CDK14: variants seen among roughly 807,000 people sequenced by gnomAD.
CDK14 encodes cyclin dependent kinase 14.
A neutral mutation model predicts 60.7 loss-of-function variants in CDK14; 34 were observed. The ratio of observed to expected loss-of-function variants is 0.56; its 90% CI spans 0.43 to 0.75. The LOEUF (loss-of-function observed/expected upper bound fraction) is 0.75. Ranked by LOEUF, CDK14 falls within the 30% of genes least tolerant of loss-of-function variation. CDK14 has a pLI of 0.00. For missense variants in CDK14, 482 were observed against 564.1 expected, an observed-to-expected ratio of 0.85 and a Z score of 1.47; for synonymous variants, 197 against 203.7, an observed-to-expected ratio of 0.97 and a Z score of 0.28.
chr7:90,833,030 T>C (rs554409784), intron 5 of CDK14, among the ~76,000 whole-genome samples: 48 of 152,348 alleles, frequency 3.2e-4, no homozygotes, highest in African/African-American at 1.1e-3. Flanking sequence ...CTGTCGACTC[T>C]GTTTGCCATT....
intron 4 of CDK14, among the ~76,000 whole-genome samples, chr7:90,775,426 T>C (rs2116907649): frequency 7.2e-6 from 1 of 138,794 alleles, no homozygotes; most frequent in East Asian, 2.8e-4. Flanking sequence ...TCTTTTCTGC[T>C]TTTCTAAAAC....
chr7:90,934,760 G>A (rs763268217), intron 8 of CDK14, among the ~76,000 whole-genome samples: 13 of 152,298 alleles, frequency 8.5e-5, no homozygotes, highest in African/African-American at 1.4e-4. Flanking sequence ...TTCCCTACCA[G>A]ATACAGATGT....
chr7:90,710,247 G>A (rs1035547794), intron 2 of CDK14: 14 of 985,106 alleles, frequency 1.4e-5, no homozygotes, highest in African/African-American at 3.5e-5. Context: ...AAGGTTTAAC[G>A]ACTGCTTCTT....
At chr7:91,132,640 G>A (rs1049525618) in intron 14 of CDK14, among the ~76,000 whole-genome samples, 1 of 152,034 alleles carries the variant, frequency 6.6e-6, no homozygotes, top group African/African-American at 2.4e-5. Context: ...TTGAAATTAA[G>A]TAAAGAAAAT....
At chr7:91,132,939 T>C (rs1320562855) in intron 14 of CDK14, among the ~76,000 whole-genome samples, 4 of 152,162 alleles carry the variant, frequency 2.6e-5, no homozygotes, top group African/African-American at 9.6e-5. Context: ...AAGTAATATG[T>C]AAATTATTTT....
chr7:90,660,382 C>A (rs1800844887), intron 2 of CDK14, among the ~76,000 whole-genome samples: 1 of 152,200 alleles, frequency 6.6e-6, no homozygotes, highest in Non-Finnish European at 1.5e-5. Context: ...TTTCTCTCAG[C>A]CCCAGTTTCT....
At chr7:90,745,256 A>T (rs1803543432) in intron 3 of CDK14, among the ~76,000 whole-genome samples, 1 of 151,798 alleles carries the variant, frequency 6.6e-6, no homozygotes, top group Non-Finnish European at 1.5e-5. Context: ...TTTTGTCTAG[A>T]TTTTTTTCTG....
At chr7:91,075,930 C>G (rs967668877) in intron 11 of CDK14, among the ~76,000 whole-genome samples, 5 of 151,950 alleles carry the variant, frequency 3.3e-5, no homozygotes, top group African/African-American at 7.2e-5. Context: ...AGGGCCTCTT[C>G]AAGGAGAACT....
At chr7:91,051,346 G>A (rs975722384) in intron 11 of CDK14, among the ~76,000 whole-genome samples, 2 of 152,174 alleles carry the variant, frequency 1.3e-5, no homozygotes, top group Non-Finnish European at 2.9e-5. Context: ...CTTGGAAGCT[G>A]CTATTTTTCC....
chr7:90,610,669 C>G (rs1342666261), intron 2 of CDK14, among the ~76,000 whole-genome samples: 2 of 152,176 alleles, frequency 1.3e-5, no homozygotes, highest in African/African-American at 4.8e-5. Context: ...CTCCCCTTAG[C>G]TCTAGATGAC....
At chr7:90,747,526 G>A (rs1242001652) in intron 3 of CDK14, among the ~76,000 whole-genome samples, 155 bp from the exon 4 acceptor site, 1 of 152,028 alleles carries the variant, frequency 6.6e-6, no homozygotes, top group Non-Finnish European at 1.5e-5. Context: ...TTTGTATCCT[G>A]TTTATTATGT....
intron 11 of CDK14, among the ~76,000 whole-genome samples, chr7:91,075,484 A>C (rs149243188): frequency 1.3e-5 from 2 of 152,246 alleles, no homozygotes; most frequent in Non-Finnish European, 2.9e-5. Context: ...AATAAGAGCT[A>C]TTTATGACAA....
At chr7:91,103,954 A>G (rs1182543244) in intron 12 of CDK14, among the ~76,000 whole-genome samples, 1 of 152,194 alleles carries the variant, frequency 6.6e-6, no homozygotes, top group Non-Finnish European at 1.5e-5. Flanking sequence ...CAACTGTATT[A>G]AAAGCACTTG....
intron 4 of CDK14, among the ~76,000 whole-genome samples, chr7:90,779,568 A>C (rs1213057743): frequency 6.6e-6 from 1 of 152,160 alleles, no homozygotes; most frequent in African/African-American, 2.4e-5. Context: ...ATACCAATGC[A>C]TATTGTATTC....
chr7:90,670,237 A>G (rs1246670030), intron 2 of CDK14, among the ~76,000 whole-genome samples: 1 of 152,206 alleles, frequency 6.6e-6, no homozygotes, highest in Non-Finnish European at 1.5e-5. Flanking sequence ...ATGAGTTTCC[A>G]GTATGGTATT....
At chr7:91,170,767 T>G (rs1338563958) in intron 14 of CDK14, among the ~76,000 whole-genome samples, 1 of 149,640 alleles carries the variant, frequency 6.7e-6, no homozygotes, top group Non-Finnish European at 1.5e-5. Flanking sequence ...CTTTTTTTTT[T>G]TCTTTTTTTT....
At chr7:90,981,276 C>G (rs1474232654) in intron 9 of CDK14, among the ~76,000 whole-genome samples, 1 of 152,184 alleles carries the variant, frequency 6.6e-6, no homozygotes, top group African/African-American at 2.4e-5. Context: ...TCATTGCATT[C>G]TAATATCTTA....
chr7:91,042,475 C>T (rs1797118361), intron 10 of CDK14, among the ~76,000 whole-genome samples: 1 of 152,108 alleles, frequency 6.6e-6, no homozygotes, highest in Non-Finnish European at 1.5e-5. Flanking sequence ...ATCACTAGAC[C>T]AGGAGCACTT....
intron 6 of CDK14, among the ~76,000 whole-genome samples, chr7:90,873,700 C>G (rs752473426): frequency 3.9e-5 from 6 of 152,128 alleles, no homozygotes; most frequent in Non-Finnish European, 8.8e-5. Flanking sequence ...CTTCAACTTT[C>G]CACTTTTTTA....
Sources: allele counts gnomAD v4.1 joint callset (sites outside exome capture counted in the v4.1 genomes callset), GRCh38; gene constraint gnomAD v4.1.1; transcripts MANE v1.5; gene names NCBI Gene and HGNC (gene_info 2026-07-23, HGNC 2026-07-21).